MICAL3: variants seen among roughly 807,000 people sequenced by gnomAD.
MICAL3 encodes [F-actin]-monooxygenase MICAL3.
In MICAL3, 62 loss-of-function variants were observed where a neutral mutation model predicts 207.4. The observed-to-expected ratio is 0.30, with a 90% CI of 0.24 to 0.37. MICAL3 has a LOEUF of 0.37. Among genes scored for constraint, MICAL3 ranks in the 10% least tolerant of loss-of-function variants. MICAL3 has a pLI of 1.00. For synonymous variants in MICAL3, 1,077 were observed against 1,069.3 expected, an observed-to-expected ratio of 1.01 and a Z score of -0.14; for missense variants, 2,368 against 2,635.6, an observed-to-expected ratio of 0.90 and a Z score of 2.22.
chr22:17,965,161 C>T (rs974804135), intron 1 of MICAL3, among the ~76,000 whole-genome samples: 5 of 112,148 alleles, frequency 4.5e-5, no homozygotes, highest in Non-Finnish European at 8.5e-5. Context: ...CCAGCCTGGG[C>T]AACACAGTGA....
rs570827072 is a variant in MICAL3 at position 17,932,797 on chromosome 22, C to CA, written c.-74-25912dup. On this transcript the variant is annotated intron_variant, in intron 1 of 31. Coordinates refer to ENST00000441493, the MANE Select transcript of MICAL3 (RefSeq NM_015241.3). The stretch of plus-strand genomic sequence containing the variant: ...GAAGATCTACCAAGCAAATGGAAAA[C>CA]AAAAAAAAGCAGAGGTTGCAATCCT... Among the ~76,000 whole-genome samples, 35 of 151,212 alleles carry CA rather than the reference C, an allele frequency of 2.3e-4. No homozygotes were observed. The South Asian group carries it at 6.1e-3, about 26-fold the overall frequency.
At chr22:17,851,998 T>TC (rs1171235600) in intron 19 of MICAL3, among the ~76,000 whole-genome samples, 1 of 152,070 alleles carries the variant, frequency 6.6e-6, no homozygotes, top group African/African-American at 2.4e-5. Context: ...CAGGCTCTAT[T>TC]CCAACCCTCC....
At chr22:17,963,186 C>T (rs404140) in intron 1 of MICAL3, among the ~76,000 whole-genome samples, 36,093 of 151,952 alleles carry the variant, frequency 0.24, 4,877 homozygotes, top group East Asian at 0.52. Context: ...GATCTCAGCT[C>T]GCTGCACCCG....
chr22:17,919,397 G>GT (rs1301235271), intron 1 of MICAL3, among the ~76,000 whole-genome samples: 3 of 152,182 alleles, frequency 2.0e-5, no homozygotes, highest in African/African-American at 7.2e-5. Flanking sequence ...CTGCTACAAT[G>GT]TAAGTTCTGG....
At chr22:17,813,963 C>T (rs1326151267) in intron 27 of MICAL3, 1 of 152,164 alleles carries the variant, frequency 6.6e-6, no homozygotes, top group Admixed American at 6.5e-5. Flanking sequence ...TTTTAAAAGT[C>T]TGAATTATCC....
In MICAL3 at chr22:17,837,686, C is replaced by T. The variant is rs76002670; in HGVS notation, c.2801+4136G>A. 2.2e-3 allele frequency among the ~76,000 whole-genome samples: 340 copies of T among 152,312 alleles called. 1 individual carries two copies. The highest frequency in any genetic ancestry group is 7.9e-3 in the African/African-American group (329 of 41,562). On this transcript the variant is annotated intron_variant, in intron 20 of 31. Transcript: ENST00000441493. ...GGTAGAGGCATGAAGCTGATTAGGC[C>T]TGGGCCAAGGGTCTGTGACAAGGCT...
intron 22 of MICAL3, among the ~76,000 whole-genome samples, chr22:17,824,341 C>G (rs1921941753): frequency 6.6e-6 from 1 of 152,214 alleles, no homozygotes; most frequent in Admixed American, 6.5e-5. Flanking sequence ...GGCTGGGGAG[C>G]AGGGAACTGA....
chr22:17,991,043 C>T (rs429862), intron 1 of MICAL3, among the ~76,000 whole-genome samples: 49,132 of 152,138 alleles, frequency 0.32, 8,210 homozygotes, highest in East Asian at 0.52. Flanking sequence ...AGTGGGGCAG[C>T]GCAGCAGAGA....
At chr22:17,942,820 T>G (rs992282283) in intron 1 of MICAL3, among the ~76,000 whole-genome samples, 4 of 152,200 alleles carry the variant, frequency 2.6e-5, no homozygotes, top group African/African-American at 9.6e-5. Flanking sequence ...GGTGCTGCCC[T>G]AAGAGACTTG....
intron 27 of MICAL3, chr22:17,811,382 G>A (rs1474395272): frequency 1.3e-5 from 2 of 153,176 alleles, no homozygotes; most frequent in Non-Finnish European, 2.9e-5. Flanking sequence ...TGACACCCAA[G>A]TAGAGAGAAC....
At chr22:17,885,503 G>T (rs1434176183) in intron 16 of MICAL3, among the ~76,000 whole-genome samples, 1 of 152,174 alleles carries the variant, frequency 6.6e-6, no homozygotes, top group Non-Finnish European at 1.5e-5. Context: ...TTAATTAATA[G>T]AATTACAGGT....
Position 17,808,394 on chromosome 22 carries a change from G to A in MICAL3, c.5650+450C>T, listed in dbSNP as rs573976110. 1.7e-4 allele frequency among the ~76,000 whole-genome samples: 26 copies of A among 152,390 alleles called. 1 individual carries two copies. Among genetic ancestry groups the A allele is most frequent in the Admixed American group, 1.7e-3 (26 of 15,308 alleles). On this transcript the variant is annotated intron_variant, in intron 29 of 31. Transcript: ENST00000441493. ...GTGGCCACATGCTCCCCGACCAGCGGTGTTGAGGGCTCTGTGGGCAGGAGG... is the reference window on the plus strand; with the variant it reads ...GTGGCCACATGCTCCCCGACCAGCGATGTTGAGGGCTCTGTGGGCAGGAGG...
intron 1 of MICAL3, among the ~76,000 whole-genome samples, chr22:17,986,938 A>G (rs768776848): frequency 1.3e-5 from 2 of 152,248 alleles, no homozygotes; most frequent in South Asian, 2.1e-4. Flanking sequence ...AAAAAAATCC[A>G]TCCTGGAAGA....
At chr22:17,945,761 G>A (rs1458829350) in intron 1 of MICAL3, among the ~76,000 whole-genome samples, 1 of 152,122 alleles carries the variant, frequency 6.6e-6, no homozygotes, top group African/African-American at 2.4e-5. Context: ...TACAGCCAAA[G>A]CTTCTCTTCT....
chr22:17,990,590 A>G (rs1921567819), intron 1 of MICAL3, among the ~76,000 whole-genome samples: 1 of 152,200 alleles, frequency 6.6e-6, no homozygotes, highest in African/African-American at 2.4e-5. Flanking sequence ...CACACACTCT[A>G]GTAACCGGTA....
chr22:17,882,038 G>C (rs1006822348), intron 16 of MICAL3, among the ~76,000 whole-genome samples: 5 of 152,188 alleles, frequency 3.3e-5, no homozygotes, highest in African/African-American at 1.2e-4. Flanking sequence ...GTGACCCATG[G>C]GGCAGCATGC....
intron 19 of MICAL3, among the ~76,000 whole-genome samples, chr22:17,852,698 C>G (rs1054756377): frequency 1.3e-5 from 2 of 152,200 alleles, no homozygotes; most frequent in East Asian, 3.9e-4. Context: ...CCTGGGACCA[C>G]GCATAAACCC....
At chr22:17,864,496 T>C (rs779094446) in intron 19 of MICAL3, 74 of 1,423,702 alleles carry the variant, frequency 5.2e-5, no homozygotes, top group Non-Finnish European at 6.8e-5. Context: ...GAAGGCCGAG[T>C]GGCCTTGGCC....
intron 1 of MICAL3, among the ~76,000 whole-genome samples, chr22:17,942,868 C>T (rs75265719): frequency 0.014 from 2,067 of 152,328 alleles, 47 homozygotes; most frequent in African/African-American, 0.047. Flanking sequence ...GCTGCACGAC[C>T]GTCCTCTCTA....
Sources: allele counts gnomAD v4.1 joint callset (sites outside exome capture counted in the v4.1 genomes callset), GRCh38; gene constraint gnomAD v4.1.1; transcripts MANE v1.5; gene names NCBI Gene and HGNC (gene_info 2026-07-23, HGNC 2026-07-21).